CGGBP1: variants seen among roughly 807,000 people sequenced by gnomAD.
CGGBP1 encodes the protein CGG triplet repeat binding protein 1.
CGGBP1 carries 4 observed loss-of-function variants against 11.4 expected under a neutral mutation model. The observed-to-expected ratio is 0.35, with a 90% CI of 0.17 to 0.80. CGGBP1 has a LOEUF of 0.80. CGGBP1 is among the 30% of genes least tolerant of loss of function. CGGBP1 has a pLI of 0.52. For synonymous variants in CGGBP1, 76 were observed against 74.1 expected (o/e 1.03, Z -0.13); for missense variants, 135 against 202.1 (o/e 0.67, Z 2.01).
chr3:88,140,594 T>A, intron 2 of CGGBP1: 1 of 1,613,736 alleles, frequency 6.2e-7, no homozygotes, highest in Non-Finnish European at 8.5e-7. Context: ...GTAGTAGTGA[T>A]ATAGTCAATG....
intron 2 of CGGBP1, among the ~76,000 whole-genome samples, chr3:88,077,097 A>G (rs1707844539): frequency 6.6e-6 from 1 of 152,228 alleles, no homozygotes; most frequent in South Asian, 2.1e-4. Flanking sequence ...TTTTATAAAC[A>G]GGAATGTAGA....
chr3:88,110,782 C>G (rs1559717055), intron 2 of CGGBP1, among the ~76,000 whole-genome samples: 1 of 152,120 alleles, frequency 6.6e-6, no homozygotes, highest in Non-Finnish European at 1.5e-5. Flanking sequence ...GTTTCTAATT[C>G]TACGTGTATT....
chr3:88,134,480 G>A (rs191870641), intron 2 of CGGBP1, among the ~76,000 whole-genome samples: 81 of 152,008 alleles, frequency 5.3e-4, no homozygotes, highest in Middle Eastern at 3.4e-3. Context: ...TCCTAGCCTT[G>A]TGCATCAAAT....
chr3:88,086,598 A>G (rs936655692), intron 2 of CGGBP1, among the ~76,000 whole-genome samples: 4 of 152,168 alleles, frequency 2.6e-5, no homozygotes, highest in African/African-American at 9.7e-5. Context: ...TAATAGTTAA[A>G]TGGAATTTTG....
At chr3:88,113,673 C>T (rs1705224956) in intron 2 of CGGBP1, among the ~76,000 whole-genome samples, 1 of 152,108 alleles carries the variant, frequency 6.6e-6, no homozygotes, top group South Asian at 2.1e-4. Context: ...AAGACCTCTC[C>T]TGTAGATGAA....
chr3:88,107,363 CCTTT>C (rs1409268375), intron 2 of CGGBP1, among the ~76,000 whole-genome samples: 3 of 152,068 alleles, frequency 2.0e-5, no homozygotes, highest in African/African-American at 7.2e-5. Context: ...GCATCTTAGA[CCTTT>C]CTTTCCAATT....
intron 2 of CGGBP1, among the ~76,000 whole-genome samples, chr3:88,111,506 A>T (rs1418005425): frequency 2.2e-4 from 34 of 151,968 alleles, no homozygotes; most frequent in Non-Finnish European, 2.9e-5. Flanking sequence ...TTTTTAATTC[A>T]TATAGATGTA....
chr3:88,110,990 A>G (rs1276140987), intron 2 of CGGBP1, among the ~76,000 whole-genome samples: 1 of 152,090 alleles, frequency 6.6e-6, no homozygotes, highest in Non-Finnish European at 1.5e-5. Context: ...GCACACTACC[A>G]TCTGTGCTTT....
At chr3:88,094,277 A>ACTTAGTATTGCATT (rs1703926269) in intron 2 of CGGBP1, among the ~76,000 whole-genome samples, 1 of 152,082 alleles carries the variant, frequency 6.6e-6, no homozygotes, top group Admixed American at 6.6e-5. Flanking sequence ...ATCGTTAGAA[A>ACTTAGTATTGCATT]CTTAGTATTG....
intron 2 of CGGBP1, chr3:88,129,760 T>C: frequency 6.5e-7 from 1 of 1,529,336 alleles, no homozygotes; most frequent in Non-Finnish European, 8.8e-7. Flanking sequence ...AAAACTATGT[T>C]AGCCTTGCAA....
Position 88,052,480 on chromosome 3 carries a change from CTTAAG to C in CGGBP1, c.*2988_*2992del, listed in dbSNP as rs1369655147. Reference sequence around the variant, plus strand: ...GTTTGTGGCTTTTGTTTTGGGCCATCTTAAGTTTTGTGTTTTCCATTAACATTCAT... The same window carrying C: ...GTTTGTGGCTTTTGTTTTGGGCCATCTTTTGTGTTTTCCATTAACATTCAT... On this transcript the variant is annotated 3_prime_UTR_variant, in exon 4 of 4. Transcript: ENST00000482016. 1.3e-5 allele frequency: 2 copies of C among 152,524 alleles called. No individual in the cohort carries two copies. The highest frequency in any genetic ancestry group is 2.9e-5 in the Non-Finnish European group (2 of 68,000). 9.4% of individuals were successfully genotyped at this position (152,524 alleles called of 1,614,324 possible).
chr3:88,137,625 AT>A (rs1192913127), intron 2 of CGGBP1, among the ~76,000 whole-genome samples: 1 of 152,180 alleles, frequency 6.6e-6, no homozygotes, highest in Non-Finnish European at 1.5e-5. Context: ...AGAATGGGGA[AT>A]TTTAACTGTA....
intron 2 of CGGBP1, among the ~76,000 whole-genome samples, chr3:88,084,535 A>C (rs1225669015): frequency 6.6e-6 from 1 of 152,186 alleles, no homozygotes; most frequent in African/African-American, 2.4e-5. Flanking sequence ...GAACTGCAAG[A>C]GCCAGACGAG....
intron 2 of CGGBP1, among the ~76,000 whole-genome samples, chr3:88,109,083 A>G (rs1704922189): frequency 6.6e-6 from 1 of 151,470 alleles, no homozygotes; most frequent in Admixed American, 6.6e-5. Context: ...CCGTGGTTTC[A>G]AGCATCCAGT....
At chr3:88,062,825 G>C (rs4858984), upstream of CGGBP1, among the ~76,000 whole-genome samples, 1,714 of 152,262 alleles carry the variant, frequency 0.011, 106 homozygotes, top group Admixed American at 0.1. Context: ...ACTTAGTATT[G>C]TACGTAGCAC....
chr3:88,102,411 C>G (rs1035790882), intron 2 of CGGBP1, among the ~76,000 whole-genome samples: 1 of 151,646 alleles, frequency 6.6e-6, no homozygotes, highest in African/African-American at 2.4e-5. Context: ...TCCCATTATA[C>G]TGTTATCTTC....
chr3:88,137,896 T>C (rs2107881430), intron 2 of CGGBP1, among the ~76,000 whole-genome samples: 1 of 152,264 alleles, frequency 6.6e-6, no homozygotes, highest in African/African-American at 2.4e-5. Flanking sequence ...CAGTATGATA[T>C]ATATACATAT....
chr3:88,112,263 T>A (rs1705136993), intron 2 of CGGBP1, among the ~76,000 whole-genome samples: 1 of 134,524 alleles, frequency 7.4e-6, no homozygotes, highest in South Asian at 2.7e-4. Flanking sequence ...CTATTAGTGA[T>A]TTGTTTTGAT....
chr3:88,093,371 C>T (rs1202693421), intron 2 of CGGBP1, among the ~76,000 whole-genome samples: 1 of 152,074 alleles, frequency 6.6e-6, no homozygotes, highest in Non-Finnish European at 1.5e-5. Context: ...CTCCTTTTAC[C>T]CAACAGAAAG....
Sources: gnomAD v4.1 joint callset for allele counts (sites outside exome capture counted in the v4.1 genomes callset) on GRCh38, gnomAD v4.1.1 for gene constraint, MANE v1.5 for transcripts, NCBI Gene and HGNC (gene_info 2026-07-23, HGNC 2026-07-21) for gene names.